Variants in MIB2 observed in about 807,000 individuals in gnomAD.
MIB2 encodes the protein MIB E3 ubiquitin protein ligase 2, also known as E3 ubiquitin-protein ligase MIB2.
A neutral mutation model predicts 96.6 loss-of-function variants in MIB2; 78 were observed. That is an observed-to-expected ratio of 0.81 (90% confidence interval 0.67 to 0.97). The LOEUF is 0.97. Among genes scored for constraint, MIB2 ranks in the 50% least tolerant of loss-of-function variants. MIB2 has a pLI of 0.00. For synonymous variants in MIB2, 820 were observed against 629.5 expected (o/e 1.30, Z -4.53); for missense variants, 1,543 against 1,424.0 (o/e 1.08, Z -1.35).
rs759573298 is a variant in MIB2, at chr1:1,629,477, C to T, written c.2474C>T (p.Pro825Leu). 46 of 1,532,476 alleles carry T rather than the reference C, an allele frequency of 3.0e-5. No homozygotes were observed. Among genetic ancestry groups the T allele is most frequent in the Non-Finnish European group, 3.8e-5 (43 of 1,145,438 alleles). The allele number at this position is 1,532,476 out of a possible 1,614,324, so 94.9% of individuals were successfully genotyped here. The change falls in exon 18 of 20, where the codon CCG (proline) becomes CTG (leucine). Residue 825 changes from proline to leucine, a missense_variant. By Grantham distance (98) the Pro-to-Leu change is moderately conservative. Coordinates refer to ENST00000355826, the MANE Select transcript of MIB2 (RefSeq NM_001170687.4). Reference protein sequence around the residue: ...TVTNLHVGAAPGPEAAECLVC... With the variant: ...TVTNLHVGAALGPEAAECLVC... ...ACGAACCTGCACGTGGGCGCCGCGC[C>T]GGGGCCCGAGGCCGCTGAGTGCCTG...
chr1:1,624,719 C>T lies in MIB2; in HGVS notation c.420-76C>T, dbSNP rs372687419. 2.9e-4 allele frequency: 395 copies of T among 1,369,334 alleles called. 2 individuals carry two copies. In the African/African-American group the frequency reaches 3.8e-3, roughly 13 times the overall value. The allele number at this position is 1,369,334 out of a possible 1,614,324, so 84.8% of individuals were successfully genotyped here. ...GGACAGGGGGCCTGCTCCACTGCAT[C>T]GCTCTCCCAAGTGGCTCAAGATGGG... On this transcript the variant is annotated intron_variant, in intron 4 of 19. Transcript: ENST00000355826.
At chr1:1,613,933 G>T (rs1490824649), upstream of MIB2, 3 of 152,226 alleles carry the variant, frequency 2.0e-5, no homozygotes, top group Admixed American at 6.5e-5. Flanking sequence ...CACAACGGAT[G>T]TGTTTGAGCC....
rs780509164 is a variant in MIB2 at position 1,627,223 on chromosome 1, C to T, written c.1374+16C>T. 26 of 1,610,106 alleles carry T rather than the reference C, an allele frequency of 1.6e-5. No individual in the cohort carries two copies. Among genetic ancestry groups the T allele is most frequent in the Non-Finnish European group, 1.8e-5 (21 of 1,178,578 alleles). ...CCCAGAGCAGGCAAGCTCCTGACCC[C>T]GTCCTCCCATACTGGCCAGTCTGAG... On this transcript the variant is annotated intron_variant, in intron 11 of 19. Transcript: ENST00000355826.
At chr1:1,614,744 C>G (rs1416358707), upstream of MIB2, 3 of 152,278 alleles carry the variant, frequency 2.0e-5, no homozygotes, top group Non-Finnish European at 2.9e-5. Flanking sequence ...AGGCCGGGCG[C>G]GGTGGCTCAC....
intron 1 of MIB2, chr1:1,615,868 C>G (rs909733641): frequency 8.3e-5 from 95 of 1,146,748 alleles, no homozygotes; most frequent in Admixed American, 1.0e-4. Context: ...TCCCGGCAGG[C>G]CTCGCGCGGC....
At position 1,625,177 on chromosome 1, in the gene MIB2, C is replaced by A; in HGVS notation, c.713C>A (p.Pro238Gln). 1 of 1,610,328 alleles carries A rather than the reference C, an allele frequency of 6.2e-7. No homozygotes were observed. ...AGGFYYKDHL[P>Q]RLGKPAELQR... The stretch of plus-strand genomic sequence containing the variant: ...GGCTTCTACTACAAGGACCACCTCC[C>A]AAGGCTCGGTATGAGGCTGTCACAC... Residue 238 changes from proline (P) to glutamine (Q), a missense_variant, in exon 6 of 20, where the codon CCA becomes CAA. Physicochemically the swap from Pro to Gln is moderately conservative, Grantham distance 76. Coordinates refer to ENST00000355826, the MANE Select transcript of MIB2 (RefSeq NM_001170687.4). This position sits in a 1 kb window ranked among gnomAD's most constrained non-coding sequence, Gnocchi z 5.0.
At position 1,625,726 on chromosome 1, in the gene MIB2, G is replaced by A. The variant is rs1644697013; in HGVS notation, c.972+73G>A. On this transcript the variant is annotated intron_variant, in intron 8 of 19. Coordinates refer to ENST00000355826, the MANE Select transcript of MIB2 (RefSeq NM_001170687.4). This position sits in a 1 kb window ranked among gnomAD's most constrained non-coding sequence, Gnocchi z 5.0. The stretch of plus-strand genomic sequence containing the variant: ...CTTCCACGTACCCCCTTGGCCTTGG[G>A]GGGTCAGGCAGGACTAGGGTGCCAG... The A allele has an allele frequency of 7.6e-7, 1 of 1,322,092 alleles. No individual in the cohort carries two copies. The highest frequency in any genetic ancestry group is 1.3e-5 in the South Asian group (1 of 77,482). The allele number at this position is 1,322,092 out of a possible 1,614,324, so 81.9% of individuals were successfully genotyped here.
In MIB2 at chr1:1,629,502, G is replaced by A. The variant is rs1488287927; in HGVS notation, c.2499G>A (p.Leu833=). The part of the protein sequence containing the change: ...AAPGPEAAEC[L]VCSELALLVL... ...CGGGGCCCGAGGCCGCTGAGTGCCT[G>A]GTGTGCTCCGAGCTGGCGCTGCTGG... Residue 833 remains leucine (L), a synonymous_variant, in exon 18 of 20, where the codon CTG becomes CTA. Coordinates refer to ENST00000355826, the MANE Select transcript of MIB2 (RefSeq NM_001170687.4). The A allele has an allele frequency of 6.5e-7, 1 of 1,536,052 alleles. No individual in the cohort carries two copies. Among genetic ancestry groups the A allele is most frequent in the Non-Finnish European group, 8.7e-7 (1 of 1,145,914 alleles).
At chr1:1,628,776 G>A (rs1645067657) in intron 16 of MIB2, 54 bp downstream of exon 16, 2 of 1,382,154 alleles carry the variant, frequency 1.4e-6, no homozygotes, top group Non-Finnish European at 1.9e-6. Flanking sequence ...CCGGCAGCAG[G>A]CTCTGGGCAG....
chr1:1,623,768 C>A lies in MIB2; in HGVS notation c.248-6C>A. 1 of 1,588,626 alleles carries A rather than the reference C, an allele frequency of 6.3e-7. No homozygotes were observed. The highest frequency in any genetic ancestry group is 1.1e-5 in the South Asian group (1 of 87,292). On this transcript the variant is annotated splice_region_variant and splice_polypyrimidine_tract_variant and intron_variant, in intron 3 of 19. Transcript: ENST00000355826. ...GAACGCCCCTCTGACCCCACCCCAC[C>A]CCCAGGCGTCCGGCACCCCAACATC...
At chr1:1,627,870 GT>G in intron 13 of MIB2, 41 bp downstream of exon 13, 1 of 1,595,440 alleles carries the variant, frequency 6.3e-7, no homozygotes, top group Non-Finnish European at 8.5e-7. Context: ...CTGCCCGTGA[GT>G]GCTTGTCCCT....
At chr1:1,627,630 A>G (rs758223755) in intron 12 of MIB2, 43 bp from the exon 13 acceptor site, 1 of 1,561,608 alleles carries the variant, frequency 6.4e-7, no homozygotes, top group South Asian at 1.2e-5. Flanking sequence ...GCGTCCAGCC[A>G]CCGGGCCCGG....
Position 1,625,424 on chromosome 1 carries a change from C to T in MIB2, c.860C>T (p.Ala287Val), listed in dbSNP as rs779757913. The change falls in exon 7 of 20, where the codon GCG becomes GTG. Residue 287 changes from alanine to valine, a missense_variant. Ala to Val is a moderately conservative substitution (Grantham distance 64). Transcript: ENST00000355826. This position sits in a 1 kb window ranked among gnomAD's most constrained non-coding sequence, Gnocchi z 5.0. ...EGHGGWNPRM[A>V]EFIGQTGTVH... ...CACGGCGGCTGGAACCCCAGGATGGCGGAGGTGAGCCGCCCCGCCGTGGAG... is the reference window on the plus strand; with the variant it reads ...CACGGCGGCTGGAACCCCAGGATGGTGGAGGTGAGCCGCCCCGCCGTGGAG... 2.6e-5 allele frequency: 41 copies of T among 1,566,568 alleles called. No individual in the cohort carries two copies. The highest frequency in any genetic ancestry group is 2.2e-4 in the East Asian group (9 of 41,812).
In MIB2 at chr1:1,628,874, T is replaced by C. The variant is rs1157484181; in HGVS notation, c.2202+152T>C. ...TGGAGCAGATGGGAGCCAAGTTCTA[T>C]GTGATCCTTCAGCCTGCACCCCTAG... is the stretch of plus-strand genomic sequence containing the variant. On this transcript the variant is annotated intron_variant, in intron 16 of 19. Coordinates refer to ENST00000355826, the MANE Select transcript of MIB2 (RefSeq NM_001170687.4). The C allele has an allele frequency of 7.5e-6, 6 of 797,634 alleles. No homozygotes were observed. The African/African-American group carries it at 1.0e-4, about 14-fold the overall frequency. The allele number at this position is 797,634 out of a possible 1,614,324, so 49.4% of individuals were successfully genotyped here.
At position 1,629,702 on chromosome 1, in the gene MIB2, C is replaced by T; in HGVS notation, c.2627C>T (p.Pro876Leu). ...GTGGTCGTCAGCAAGAAACTGCGCC[C>T]AGGTGGGTGAGGCTCTGCGCCCCCA... ...CQVVVSKKLRPDGSEVASAAP... is the reference protein window; with the variant it reads ...CQVVVSKKLRLDGSEVASAAP... The change falls in exon 19 of 20, where the codon CCA (proline) becomes CTA (leucine). Residue 876 changes from proline to leucine, a missense_variant and splice_region_variant. Coordinates refer to ENST00000355826, the MANE Select transcript of MIB2 (RefSeq NM_001170687.4). 2 of 1,594,388 alleles carry T rather than the reference C, an allele frequency of 1.3e-6. No individual in the cohort carries two copies. Among genetic ancestry groups the T allele is most frequent in the South Asian group, 1.1e-5 (1 of 88,468 alleles).
At chr1:1,628,214 C>T in intron 14 of MIB2, 35 bp downstream of exon 14, 1 of 1,612,242 alleles carries the variant, frequency 6.2e-7, no homozygotes. Context: ...TGCAGCCGGC[C>T]TCTTGCTGTG....
intron 16 of MIB2, 155 bp from the exon 17 acceptor site, chr1:1,628,978 C>T (rs905675798): frequency 1.9e-5 from 16 of 846,334 alleles, no homozygotes; most frequent in African/African-American, 8.9e-5. Context: ...AGCAGGGCGC[C>T]CCTCCTGCCT....
intron 2 of MIB2, 162 bp downstream of exon 2, chr1:1,616,776 A>T: frequency 1.4e-5 from 8 of 583,688 alleles, no homozygotes; most frequent in Non-Finnish European, 2.4e-5. Context: ...TTCGGAACCC[A>T]TGGAGGAAGA....
At chr1:1,624,032 C>G in intron 4 of MIB2, 87 bp downstream of exon 4, 1 of 1,424,376 alleles carries the variant, frequency 7.0e-7, no homozygotes, top group Non-Finnish European at 9.5e-7. Flanking sequence ...GTGCTGCCTC[C>G]TGACCGCTCC....
Sources: gnomAD v4.1 joint callset for allele counts on GRCh38, gnomAD v4.1.1 for gene constraint, Gnocchi (gnomAD v3.1) non-coding constraint, MANE v1.5 for transcripts, NCBI Gene and HGNC (gene_info 2026-07-23, HGNC 2026-07-21) for gene names.